Variants in PDE1A observed in about 807,000 individuals in gnomAD.
The protein encoded by PDE1A is dual specificity calcium/calmodulin-dependent 3',5'-cyclic nucleotide phosphodiesterase 1A.
A neutral mutation model predicts 61.7 loss-of-function variants in PDE1A; 35 were observed. The ratio of observed to expected loss-of-function variants is 0.57; its 90% confidence interval spans 0.43 to 0.75. The LOEUF (loss-of-function observed/expected upper bound fraction) is 0.75. Among genes scored for constraint, PDE1A ranks in the 30% least tolerant of loss-of-function variants. The pLI, the probability that PDE1A is intolerant of heterozygous loss-of-function variation, is 0.00. For missense variants in PDE1A, 597 were observed against 630.6 expected (o/e 0.95, Z 0.57); for synonymous variants, 232 against 213.2 (o/e 1.09, Z -0.77).
In PDE1A at chr2:182,426,998, T is replaced by C. The variant is rs1056130013; in HGVS notation, c.-368A>G. On this transcript the variant is annotated 5_prime_UTR_variant, in exon 1 of 14. It removes an upstream start codon present in the reference 5' UTR. Coordinates refer to ENST00000351439, the Ensembl canonical transcript of PDE1A. The stretch of plus-strand genomic sequence containing the variant: ...GGAACTCCCTAAGTTATTGCAGCCA[T>C]GAGAGCTCTCCTTCCACATGCTGGT... The C allele has an allele frequency of 2.0e-6, 2 of 1,005,328 alleles. No individual in the cohort carries two copies. The highest frequency in any genetic ancestry group is 2.4e-6 in the Non-Finnish European group (2 of 843,326). The allele number at this position is 1,005,328 out of a possible 1,614,324, so 62.3% of individuals were successfully genotyped here.
chr2:182,348,531 T>C (rs1698661264), intron 1 of PDE1A, among the ~76,000 whole-genome samples: 2 of 152,160 alleles, frequency 1.3e-5, no homozygotes, highest in Non-Finnish European at 2.9e-5. Flanking sequence ...GAATTTCTCC[T>C]GGTTCTTCGC....
intron 1 of PDE1A, among the ~76,000 whole-genome samples, chr2:182,378,692 C>T (rs1460977296): frequency 6.6e-6 from 1 of 152,134 alleles, no homozygotes; most frequent in Admixed American, 6.5e-5. Context: ...TAATGAGGTC[C>T]AATATGCAAC....
intron 6 of PDE1A, among the ~76,000 whole-genome samples, chr2:182,224,942 C>G (rs1689022190): frequency 6.6e-6 from 1 of 151,818 alleles, no homozygotes; most frequent in Non-Finnish European, 1.5e-5. Flanking sequence ...ATCCAAAATG[C>G]TATGACACTC....
intron 7 of PDE1A, among the ~76,000 whole-genome samples, chr2:182,220,484 A>C (rs1213914649): frequency 2.0e-5 from 3 of 152,134 alleles, no homozygotes; most frequent in African/African-American, 7.2e-5. Flanking sequence ...CAAAGTATGC[A>C]TGATTTTGTC....
chr2:182,683,948 C>T, the PDE1A span, among the ~76,000 whole-genome samples: 529 of 151,892 alleles, frequency 3.5e-3, 2 homozygotes, highest in Non-Finnish European at 5.6e-3. Context: ...GGAGAAACCC[C>T]ATTTCTACTA....
the PDE1A span, among the ~76,000 whole-genome samples, chr2:182,618,303 T>C: frequency 2.0e-5 from 3 of 152,234 alleles, no homozygotes; most frequent in Non-Finnish European, 4.4e-5. Context: ...TTAACAAAGC[T>C]AACCTATTAT....
chr2:182,400,279 T>A (rs1701928388), intron 1 of PDE1A, among the ~76,000 whole-genome samples: 1 of 152,212 alleles, frequency 6.6e-6, no homozygotes, highest in Admixed American at 6.5e-5. Context: ...TTTTCCTTTA[T>A]CTTTTCCCAA....
chr2:182,283,702 A>G (rs2125860203), intron 1 of PDE1A, among the ~76,000 whole-genome samples: 1 of 152,200 alleles, frequency 6.6e-6, no homozygotes, highest in African/African-American at 2.4e-5. Context: ...CATGCTTAGG[A>G]ACTGGGGTCT....
chr2:182,275,633 G>A (rs1693352711), intron 1 of PDE1A, among the ~76,000 whole-genome samples: 1 of 152,058 alleles, frequency 6.6e-6, no homozygotes, highest in African/African-American at 2.4e-5. Context: ...GTTGATTAAA[G>A]GGCCAAGGTT....
chr2:182,344,739 C>CTCTCTG (rs1698411155), intron 1 of PDE1A, among the ~76,000 whole-genome samples: 1 of 91,982 alleles, frequency 1.1e-5, no homozygotes, highest in Non-Finnish European at 2.0e-5. Context: ...GTCTCTCTGT[C>CTCTCTG]TCTCTCTCTC....
chr2:182,629,583 C>T, the PDE1A span, among the ~76,000 whole-genome samples: 1,265 of 152,244 alleles, frequency 8.3e-3, 8 homozygotes, highest in Non-Finnish European at 0.013. Flanking sequence ...CATGGAAATC[C>T]CTCCAGGTTT....
At chr2:182,687,875 G>A in the PDE1A span, among the ~76,000 whole-genome samples, 32 of 152,258 alleles carry the variant, frequency 2.1e-4, no homozygotes, top group Admixed American at 9.8e-4. Context: ...AGAACTATGC[G>A]ATGAATGCAA....
intron 13 of PDE1A, among the ~76,000 whole-genome samples, chr2:182,172,691 T>C (rs1418873802): frequency 6.6e-6 from 1 of 152,058 alleles, no homozygotes; most frequent in Non-Finnish European, 1.5e-5. Context: ...AAGAGACAGC[T>C]ATGTTTATAA....
At chr2:182,495,683 T>C (rs1199298961) in intron 2 of PDE1A, among the ~76,000 whole-genome samples, 1 of 152,176 alleles carries the variant, frequency 6.6e-6, no homozygotes, top group African/African-American at 2.4e-5. Flanking sequence ...TCTGAGCTGC[T>C]ACAGTCAGCA....
intron 13 of PDE1A, among the ~76,000 whole-genome samples, chr2:182,183,811 A>T (rs895443454): frequency 6.6e-6 from 1 of 152,094 alleles, no homozygotes; most frequent in South Asian, 2.1e-4. Context: ...AGAAATAGAC[A>T]TTATAAAAAA....
At chr2:182,572,527 G>C in the PDE1A span, among the ~76,000 whole-genome samples, 1 of 152,148 alleles carries the variant, frequency 6.6e-6, no homozygotes, top group African/African-American at 2.4e-5. Flanking sequence ...GACTTGCTAG[G>C]AAATTTTCTA....
the PDE1A span, among the ~76,000 whole-genome samples, chr2:182,534,646 TTTATTA>T: frequency 6.6e-6 from 1 of 151,688 alleles, no homozygotes; most frequent in East Asian, 1.9e-4. Flanking sequence ...GATCACAATA[TTTATTA>T]TTAATTTGTA....
At chr2:182,434,000 T>C (rs946493092) in intron 2 of PDE1A, among the ~76,000 whole-genome samples, 7 of 152,104 alleles carry the variant, frequency 4.6e-5, no homozygotes, top group African/African-American at 1.7e-4. Context: ...CTGCAGTTTT[T>C]CCTCCCTCAG....
At chr2:182,593,951 C>T in the PDE1A span, among the ~76,000 whole-genome samples, 43 of 152,132 alleles carry the variant, frequency 2.8e-4, no homozygotes, top group Admixed American at 2.3e-3. Context: ...AATGCATGGG[C>T]GTCACTTCTT....
Sources: gnomAD v4.1 joint callset for allele counts (sites outside exome capture counted in the v4.1 genomes callset) on GRCh38, gnomAD v4.1.1 for gene constraint, MANE v1.5 for transcripts, NCBI Gene and HGNC (gene_info 2026-07-23, HGNC 2026-07-21) for gene names.